Variants in NLGN4Y observed in about 807,000 individuals in gnomAD.
The protein encoded by NLGN4Y is neuroligin 4 Y-linked.
In NLGN4Y, 4 loss-of-function variants were observed where a neutral mutation model predicts 8.4. That is an observed-to-expected ratio of 0.48 (90% CI 0.23 to 1.09). NLGN4Y has a LOEUF of 1.09. Ranked by LOEUF, NLGN4Y falls within the 50% of genes least tolerant of loss-of-function variation. The pLI is 0.19. For synonymous variants in NLGN4Y, 35 were observed against 75.6 expected, an observed-to-expected ratio of 0.46 and a Z score of 2.78; for missense variants, 90 against 192.3, an observed-to-expected ratio of 0.47 and a Z score of 3.15.
chrY:14,831,824 G>A (rs906767123), intron 6 of NLGN4Y, among the ~76,000 whole-genome samples: 4 of 32,039 alleles, frequency 1.2e-4, no homozygotes, highest in African/African-American at 2.4e-4. Context: ...ACACACATAT[G>A]TCACAGGAAA....
intron 2 of NLGN4Y, among the ~76,000 whole-genome samples, chrY:14,628,671 G>T: frequency 2.9e-5 from 1 of 34,083 alleles, no homozygotes. Context: ...ATGTTAAGCA[G>T]CTTGGCGCCA....
chrY:14,654,587 G>A (rs537638324), intron 2 of NLGN4Y, among the ~76,000 whole-genome samples: 68 of 27,804 alleles, frequency 2.4e-3, no homozygotes, highest in African/African-American at 8.7e-3. Context: ...CTCCTTTTTT[G>A]CTGACCTCAT....
At chrY:14,640,476 A>G in intron 2 of NLGN4Y, 1 of 56,141 alleles carries the variant, frequency 1.8e-5, no homozygotes, top group Non-Finnish European at 4.1e-5. Flanking sequence ...GGGCTTTTTC[A>G]TGGCAAGTAG....
chrY:14,744,263 G>A (rs2150563768), intron 4 of NLGN4Y, among the ~76,000 whole-genome samples: 1 of 33,370 alleles, frequency 3.0e-5, no homozygotes, highest in Non-Finnish European at 7.4e-5. Context: ...AAAGAGTGAG[G>A]ATGGGCACTG....
intron 4 of NLGN4Y, among the ~76,000 whole-genome samples, chrY:14,730,275 G>A (rs2080967618): frequency 3.1e-5 from 1 of 32,119 alleles, no homozygotes; most frequent in Non-Finnish European, 7.5e-5. Context: ...AAGCATGGTG[G>A]CGCACACCTG....
intron 1 of NLGN4Y, among the ~76,000 whole-genome samples, chrY:14,547,884 A>G (rs962978799): frequency 8.8e-4 from 29 of 32,882 alleles, no homozygotes; most frequent in African/African-American, 3.5e-3. Flanking sequence ...GAAGGATGAT[A>G]CTGATAGAAA....
chrY:14,725,937 G>A, intron 4 of NLGN4Y, among the ~76,000 whole-genome samples: 1 of 33,484 alleles, frequency 3.0e-5, no homozygotes, highest in African/African-American at 1.2e-4. Context: ...GGGTGTTTTA[G>A]AGAAGGTGGT....
At chrY:14,545,114 C>T in intron 1 of NLGN4Y, among the ~76,000 whole-genome samples, 1 of 33,039 alleles carries the variant, frequency 3.0e-5, no homozygotes, top group Non-Finnish European at 7.5e-5. Flanking sequence ...ATGAACTCAT[C>T]GTTTTTTATG....
chrY:14,717,415 G>T, intron 2 of NLGN4Y, among the ~76,000 whole-genome samples: 1 of 31,919 alleles, frequency 3.1e-5, no homozygotes, highest in Admixed American at 2.9e-4. Flanking sequence ...TTAGCCAGAA[G>T]TAGTGGTGAA....
intron 4 of NLGN4Y, among the ~76,000 whole-genome samples, chrY:14,815,592 G>A (rs776946193): frequency 6.0e-5 from 2 of 33,384 alleles, no homozygotes; most frequent in South Asian, 1.4e-3. Flanking sequence ...CCTGATAACA[G>A]ATTGCACTGG....
At position 14,622,149 on chromosome Y, in the gene NLGN4Y, C is replaced by A; in HGVS notation, c.30C>A (p.Leu10=). The change falls in exon 2 of 7, where the codon CTC becomes CTA. Residue 10 remains leucine (L), a synonymous_variant. Coordinates refer to ENST00000684976, the MANE Select transcript of NLGN4Y (RefSeq NM_001365588.1). ...TGCGTCCCCAGGGACTGCTATGGCT[C>A]CCTTTGTTGTTCACCTCTGTCTGTG... is the stretch of plus-strand genomic sequence containing the variant. MLRPQGLLW[L]PLLFTSVCVM... 1 of 398,509 alleles carries A rather than the reference C, an allele frequency of 2.5e-6. No homozygotes were observed. Among genetic ancestry groups the A allele is most frequent in the Non-Finnish European group, 3.5e-6 (1 of 283,057 alleles).
chrY:14,650,923 T>C, intron 2 of NLGN4Y, among the ~76,000 whole-genome samples: 1 of 32,498 alleles, frequency 3.1e-5, no homozygotes, highest in African/African-American at 1.2e-4. Context: ...CCTACTAGTA[T>C]CTTCCTTGGC....
intron 1 of NLGN4Y, among the ~76,000 whole-genome samples, chrY:14,601,571 A>G (rs775833530): frequency 3.1e-5 from 1 of 32,654 alleles, no homozygotes; most frequent in East Asian, 8.1e-4. Flanking sequence ...TACTGCCTCT[A>G]CAGTCGGCTT....
chrY:14,845,630 T>G lies in NLGN4Y; in HGVS notation c.*4368T>G. ...TTAAGCTTCATAATAAGTGTGTATATTTAATAAAATATATAGTATATAAAG... is the reference window on the plus strand; with the variant it reads ...TTAAGCTTCATAATAAGTGTGTATAGTTAATAAAATATATAGTATATAAAG... On this transcript the variant is annotated 3_prime_UTR_variant, in exon 7 of 7. Transcript: ENST00000684976. 1 of 32,743 alleles carries G rather than the reference T, an allele frequency of 3.1e-5. No individual in the cohort carries two copies. The highest frequency in any genetic ancestry group is 1.2e-4 in the African/African-American group (1 of 8,426). 8.2% of individuals were successfully genotyped at this position (32,743 alleles called of 400,897 possible). A position where few individuals can be genotyped will look rare whatever the true frequency, so the allele number is the denominator to read the frequency against.
chrY:14,791,218 T>C, intron 4 of NLGN4Y, among the ~76,000 whole-genome samples: 1 of 33,348 alleles, frequency 3.0e-5, no homozygotes, highest in Non-Finnish European at 7.4e-5. Context: ...TGACCATTGC[T>C]TCTTGATCAT....
At chrY:14,590,282 G>T (rs2150491205) in intron 1 of NLGN4Y, among the ~76,000 whole-genome samples, 2 of 34,408 alleles carry the variant, frequency 5.8e-5, no homozygotes, top group South Asian at 1.3e-3. Context: ...CAAAGTGGGA[G>T]CCCAGGCAGG....
At chrY:14,637,860 T>G (rs551693214) in intron 2 of NLGN4Y, among the ~76,000 whole-genome samples, 662 of 26,552 alleles carry the variant, frequency 0.025, no homozygotes, top group Middle Eastern at 0.22. Context: ...TTTTTTTTTT[T>G]TGTGTGTGTG....
rs2043223594 is a variant in NLGN4Y at position 14,841,606 on chromosome Y, A to G, written c.*344A>G. The G allele has an allele frequency of 8.1e-6, 1 of 124,215 alleles. No individual in the cohort carries two copies. Among genetic ancestry groups the G allele is most frequent in the African/African-American group, 9.4e-5 (1 of 10,647 alleles). 31.0% of individuals were successfully genotyped at this position (124,215 alleles called of 400,897 possible). A position where few individuals can be genotyped will look rare whatever the true frequency, so the allele number is the denominator to read the frequency against. ...TCATGGTAGCAGCACACACTTCCAA[A>G]GCTCAGCCAGGGACACTTAATATTT... On this transcript the variant is annotated 3_prime_UTR_variant, in exon 7 of 7. Transcript: ENST00000684976.
chrY:14,698,963 T>A, intron 2 of NLGN4Y, among the ~76,000 whole-genome samples: 1 of 33,102 alleles, frequency 3.0e-5, no homozygotes, highest in South Asian at 6.7e-4. Flanking sequence ...TACAGGGTTA[T>A]AGAATACTAG....
Sources: gnomAD v4.1 joint callset for allele counts (sites outside exome capture counted in the v4.1 genomes callset) on GRCh38, gnomAD v4.1.1 for gene constraint, MANE v1.5 for transcripts, NCBI Gene and HGNC (gene_info 2026-07-23, HGNC 2026-07-21) for gene names.